The following ABTB2 variants were observed in gnomAD, a reference collection of about 807,000 sequenced individuals.
ABTB2 encodes the protein ankyrin repeat and BTB domain containing 2, also known as ankyrin repeat and BTB/POZ domain-containing protein 2.
ABTB2 carries 56 observed loss-of-function variants against 104.1 expected under a neutral mutation model. The ratio of observed to expected loss-of-function variants is 0.54; its 90% CI spans 0.43 to 0.67. ABTB2 has a LOEUF of 0.67. ABTB2 is among the 30% of genes least tolerant of loss of function. The pLI is 0.00. For synonymous variants in ABTB2, 606 were observed against 608.2 expected, an observed-to-expected ratio of 1.00 and a Z score of 0.05; for missense variants, 1,279 against 1,407.7, an observed-to-expected ratio of 0.91 and a Z score of 1.46.
intron 1 of ABTB2, among the ~76,000 whole-genome samples, chr11:34,322,387 C>T (rs1677241870): frequency 2.6e-5 from 4 of 152,032 alleles, no homozygotes; most frequent in Admixed American, 2.6e-4. Context: ...ACCAGTCTGG[C>T]CAAGATGGTG....
chr11:34,161,498 G>T (rs1342870744), intron 10 of ABTB2, among the ~76,000 whole-genome samples: 1 of 152,302 alleles, frequency 6.6e-6, no homozygotes, highest in African/African-American at 2.4e-5. Context: ...TGGAGGGGTG[G>T]CCAGGAGGGC....
intron 1 of ABTB2, among the ~76,000 whole-genome samples, chr11:34,221,206 C>T (rs1222699296): frequency 6.6e-6 from 1 of 152,104 alleles, no homozygotes; most frequent in East Asian, 1.9e-4. Flanking sequence ...CTCTTGGCCT[C>T]GTGATCCACC....
rs1287610653 is a variant in ABTB2 at position 34,162,756 on chromosome 11, C to A, written c.2038G>T (p.Val680Leu). ...LTQPQQAKAD[V>L]LSLEEILAEG... ...GCCAGGATCTCCTCCAGGGACAGCA[C>A]GTCCGCTTTAGCCTGCTGTGGCTGC... Residue 680 changes from valine (V) to leucine (L), a missense_variant, in exon 10 of 17, where the codon GTG (valine) becomes TTG (leucine). Val to Leu is a conservative substitution (Grantham distance 32, BLOSUM62 1). Transcript: ENST00000435224. 1.2e-6 allele frequency: 2 copies of A among 1,609,808 alleles called. No individual in the cohort carries two copies. The highest frequency in any genetic ancestry group is 2.2e-5 in the East Asian group (1 of 44,872).
At chr11:34,299,016 T>C (rs1003176535) in intron 1 of ABTB2, among the ~76,000 whole-genome samples, 2 of 152,256 alleles carry the variant, frequency 1.3e-5, no homozygotes, top group African/African-American at 4.8e-5. Flanking sequence ...CAGGGACGTC[T>C]GCATTAATCC....
At chr11:34,164,862 T>C (rs551358459) in intron 8 of ABTB2, 41 bp from the exon 9 acceptor site, 18 of 1,568,288 alleles carry the variant, frequency 1.1e-5, no homozygotes, top group Non-Finnish European at 1.5e-5. Context: ...ACTGAGACAG[T>C]AGCCGCCAGG....
chr11:34,339,012 A>G (rs1855229621), intron 1 of ABTB2, among the ~76,000 whole-genome samples: 1 of 152,208 alleles, frequency 6.6e-6, no homozygotes. Flanking sequence ...ATGCAGGTAA[A>G]ACATTGTAAC....
rs200205369 is a variant in ABTB2 at position 34,197,428 on chromosome 11, G to A, written c.1141C>T (p.Pro381Ser). The stretch of plus-strand genomic sequence containing the variant: ...TAGTAGAGCGTGTGGAGGGCGTCGG[G>A]GGACCAAGTGATGGGCTGTGGCGGC... Reference protein sequence around the residue: ...RQPPQPITWSPDALHTLYYFL... With the variant: ...RQPPQPITWSSDALHTLYYFL... Residue 381 changes from proline (P) to serine (S), a missense_variant, in exon 3 of 17, where the codon CCC (proline) becomes TCC (serine). Pro to Ser is a moderately conservative substitution (Grantham distance 74, BLOSUM62 -1). Coordinates refer to ENST00000435224, the MANE Select transcript of ABTB2 (RefSeq NM_145804.3). The A allele has an allele frequency of 1.2e-6, 2 of 1,607,392 alleles. No homozygotes were observed. Among genetic ancestry groups the A allele is most frequent in the Non-Finnish European group, 1.7e-6 (2 of 1,175,646 alleles).
At chr11:34,220,706 T>G (rs1036553404) in intron 1 of ABTB2, among the ~76,000 whole-genome samples, 1 of 152,186 alleles carries the variant, frequency 6.6e-6, no homozygotes, top group Non-Finnish European at 1.5e-5. Context: ...CCTGAACCTC[T>G]TGTTGCAAAA....
intron 1 of ABTB2, among the ~76,000 whole-genome samples, chr11:34,310,075 G>A (rs575630276): frequency 3.4e-4 from 52 of 152,174 alleles, no homozygotes; most frequent in Non-Finnish European, 6.2e-4. Flanking sequence ...TTGAGCAATC[G>A]CCCTGCATCT....
At chr11:34,260,239 G>A (rs1854172799) in intron 1 of ABTB2, among the ~76,000 whole-genome samples, 1 of 152,222 alleles carries the variant, frequency 6.6e-6, no homozygotes, top group Admixed American at 6.5e-5. Flanking sequence ...TTCTCGCCAT[G>A]AAATCCCCAA....
intron 4 of ABTB2, 120 bp downstream of exon 4, chr11:34,173,035 A>C (rs568188812): frequency 7.8e-7 from 1 of 1,286,956 alleles, no homozygotes; most frequent in East Asian, 2.4e-5. Context: ...GAACAGCTCA[A>C]ATGTGCTGCA....
intron 3 of ABTB2, among the ~76,000 whole-genome samples, chr11:34,191,555 C>T (rs1204280169): frequency 6.6e-6 from 1 of 152,172 alleles, no homozygotes; most frequent in Non-Finnish European, 1.5e-5. Flanking sequence ...CTGAACCTGT[C>T]TGGGGGTGCA....
At chr11:34,185,953 A>G (rs1032156128) in intron 3 of ABTB2, among the ~76,000 whole-genome samples, 1 of 152,246 alleles carries the variant, frequency 6.6e-6, no homozygotes, top group Non-Finnish European at 1.5e-5. Context: ...ATATACAGTT[A>G]TTATGTGTCA....
At chr11:34,284,524 C>T (rs961599208) in intron 1 of ABTB2, among the ~76,000 whole-genome samples, 1 of 152,134 alleles carries the variant, frequency 6.6e-6, no homozygotes, top group African/African-American at 2.4e-5. Flanking sequence ...AATAAATCGG[C>T]CTGCAAACAG....
chr11:34,163,689 C>T (rs953296778), intron 9 of ABTB2, among the ~76,000 whole-genome samples: 3 of 152,212 alleles, frequency 2.0e-5, no homozygotes, highest in African/African-American at 7.2e-5. Flanking sequence ...CTTCCAAGGA[C>T]CCAAGGTCCC....
chr11:34,272,733 C>CAAAAAAAA (rs1323130706), intron 1 of ABTB2, among the ~76,000 whole-genome samples: 1 of 127,654 alleles, frequency 7.8e-6, no homozygotes, highest in African/African-American at 3.0e-5. Flanking sequence ...AAAAAAAAAC[C>CAAAAAAAA]AACCAACCAT....
At position 34,357,569 on chromosome 11, in the gene ABTB2, G is replaced by A. The variant is rs1442811912; in HGVS notation, c.15C>T (p.Tyr5=). 2.6e-6 allele frequency: 4 copies of A among 1,518,564 alleles called. No homozygotes were observed. Among genetic ancestry groups the A allele is most frequent in the Admixed American group, 4.0e-5 (2 of 50,276 alleles). The allele number at this position is 1,518,564 out of a possible 1,614,324, so 94.1% of individuals were successfully genotyped here. Residue 5 remains tyrosine (Y), a synonymous_variant, in exon 1 of 17, where the codon TAC becomes TAT. Transcript: ENST00000435224. MAGT[Y]SSTLKTLEDL... The stretch of plus-strand genomic sequence containing the variant: ...CCTCCAGCGTCTTCAGAGTCGAGCT[G>A]TACGTCCCGGCCATGGGGAGCCTGC...
chr11:34,290,532 G>T (rs1394774511), intron 1 of ABTB2, among the ~76,000 whole-genome samples: 1 of 152,148 alleles, frequency 6.6e-6, no homozygotes, highest in Non-Finnish European at 1.5e-5. Context: ...GACATCAAGG[G>T]CAGGATGCCT....
chr11:34,216,756 A>G (rs1853553121), intron 1 of ABTB2, among the ~76,000 whole-genome samples: 1 of 152,178 alleles, frequency 6.6e-6, no homozygotes, highest in Non-Finnish European at 1.5e-5. Context: ...CCATCTCAAA[A>G]AGAAAAAAAG....
Sources: gnomAD v4.1 joint callset for allele counts (sites outside exome capture counted in the v4.1 genomes callset) on GRCh38, gnomAD v4.1.1 for gene constraint, MANE v1.5 for transcripts, NCBI Gene and HGNC (gene_info 2026-07-23, HGNC 2026-07-21) for gene names.